SLC35F6: variants seen among roughly 807,000 people sequenced by gnomAD.
The protein encoded by SLC35F6 is solute carrier family 35 member F6.
A neutral mutation model predicts 29.4 loss-of-function variants in SLC35F6; 26 were observed. That is an observed-to-expected ratio of 0.89 (90% confidence interval 0.65 to 1.23). The LOEUF is 1.23. Ranked by LOEUF, SLC35F6 falls within the 50% of genes most tolerant of loss-of-function variation. SLC35F6 has a pLI of 0.00. For missense variants in SLC35F6, 428 were observed against 487.8 expected, an observed-to-expected ratio of 0.88 and a Z score of 1.15; for synonymous variants, 174 against 206.6, an observed-to-expected ratio of 0.84 and a Z score of 1.35.
In SLC35F6 at chr2:26,778,127, G is replaced by A. The variant is rs1294965617; in HGVS notation, c.732G>A (p.Gly244=). The A allele has an allele frequency of 1.2e-6, 2 of 1,614,196 alleles. No homozygotes were observed. Among genetic ancestry groups the A allele is most frequent in the Admixed American group, 1.7e-5 (1 of 60,012 alleles). Residue 244 remains glycine (G), a synonymous_variant, in exon 6 of 6, where the codon GGG becomes GGA. Transcript: ENST00000344420. ...PAGSFSGNPR[G]TLEDALDAFC... ...GCTCCTTCAGCGGAAACCCTCGTGG[G>A]ACACTGGAGGATGCATTGGACGCCT...
rs576343315 is a variant in SLC35F6, at chr2:26,777,563, A to C, written c.647-479A>C. 3.9e-5 allele frequency among the ~76,000 whole-genome samples: 6 copies of C among 152,344 alleles called. No homozygotes were observed. In the East Asian group the frequency reaches 1.2e-3, roughly 29 times the overall value. Reference sequence around the variant, plus strand: ...AAGACCTTAATGAGTGAAGCAGTGCATGGACTTACCTTCTGGCGCAAGCTC... The same window carrying C: ...AAGACCTTAATGAGTGAAGCAGTGCCTGGACTTACCTTCTGGCGCAAGCTC... On this transcript the variant is annotated intron_variant, in intron 5 of 5. Transcript: ENST00000344420.
intron 1 of SLC35F6, among the ~76,000 whole-genome samples, chr2:26,773,490 G>A (rs1347486405): frequency 3.3e-5 from 4 of 121,206 alleles, no homozygotes; most frequent in African/African-American, 1.4e-4. Context: ...GCGACAGAGC[G>A]AGACTCCATT....
In SLC35F6 at chr2:26,778,251, G is replaced by A; in HGVS notation, c.856G>A (p.Glu286Lys). Residue 286 changes from glutamate (E) to lysine (K), a missense_variant, in exon 6 of 6, where the codon GAA (glutamate) becomes AAA (lysine). Physicochemically the swap from Glu to Lys is moderately conservative, Grantham distance 56. Transcript: ENST00000344420. Reference protein sequence around the residue: ...FNFAGISVTKELSATTRMVLD... With the variant: ...FNFAGISVTKKLSATTRMVLD... ...CTTCGCAGGCATCAGCGTCACCAAG[G>A]AACTGAGCGCCACCACCCGCATGGT... The A allele has an allele frequency of 1.2e-6, 2 of 1,614,148 alleles. No individual in the cohort carries two copies. The highest frequency in any genetic ancestry group is 1.7e-6 in the Non-Finnish European group (2 of 1,180,026).
At chr2:26,766,007 T>A (rs13424935) in intron 1 of SLC35F6, among the ~76,000 whole-genome samples, 7,468 of 152,256 alleles carry the variant, frequency 0.049, 644 homozygotes, top group African/African-American at 0.17. Context: ...CCTCCTTCCT[T>A]AGAAAACTCC....
chr2:26,769,505 G>A (rs1664156732), intron 1 of SLC35F6, among the ~76,000 whole-genome samples: 2 of 152,236 alleles, frequency 1.3e-5, no homozygotes, highest in Non-Finnish European at 2.9e-5. Context: ...GCGCATGACT[G>A]CCTGCTGAGC....
intron 1 of SLC35F6, 83 bp downstream of exon 1, chr2:26,764,509 C>T (rs930872457): frequency 1.3e-6 from 2 of 1,483,288 alleles, no homozygotes; most frequent in African/African-American, 1.4e-5. Flanking sequence ...GCCCTGCCCT[C>T]CTGGCTTCCC....
intron 2 of SLC35F6, 26 bp downstream of exon 2, chr2:26,774,349 C>T: frequency 6.2e-7 from 1 of 1,613,104 alleles, no homozygotes; most frequent in African/African-American, 1.3e-5. Flanking sequence ...CCTCCTACCT[C>T]CTGTCTCCCG....
intron 1 of SLC35F6, among the ~76,000 whole-genome samples, chr2:26,765,369 A>AC (rs1258896600): frequency 5.3e-5 from 2 of 37,520 alleles, no homozygotes; most frequent in Non-Finnish European, 1.1e-4. Flanking sequence ...GGGACTAAGG[A>AC]CCCAGGCAGT....
chr2:26,766,029 G>T (rs956242369), intron 1 of SLC35F6, among the ~76,000 whole-genome samples: 1 of 152,192 alleles, frequency 6.6e-6, no homozygotes, highest in African/African-American at 2.4e-5. Context: ...AACCAGTCAG[G>T]TAGGAAGCTT....
At chr2:26,776,293 T>G (rs1664298925) in intron 4 of SLC35F6, 79 bp from the exon 5 acceptor site, 1 of 1,320,750 alleles carries the variant, frequency 7.6e-7, no homozygotes, top group Admixed American at 1.8e-5. Context: ...GCTGGCATGT[T>G]TGGTCGCTGT....
At chr2:26,767,864 T>C (rs1034863876) in intron 1 of SLC35F6, among the ~76,000 whole-genome samples, 1 of 152,054 alleles carries the variant, frequency 6.6e-6, no homozygotes, top group African/African-American at 2.4e-5. Context: ...TAATAAATAA[T>C]TAATTAATAG....
chr2:26,771,059 C>T (rs1006360876), intron 1 of SLC35F6, among the ~76,000 whole-genome samples: 4 of 152,236 alleles, frequency 2.6e-5, no homozygotes, highest in African/African-American at 4.8e-5. Flanking sequence ...TTTCCCCAGC[C>T]GGGAGCGCTG....
At chr2:26,766,817 G>A (rs768458353) in intron 1 of SLC35F6, among the ~76,000 whole-genome samples, 1 of 152,128 alleles carries the variant, frequency 6.6e-6, no homozygotes, top group African/African-American at 2.4e-5. Flanking sequence ...AGGAAACTGA[G>A]GTAGGAAATG....
Position 26,775,375 on chromosome 2 carries a change from G to A in SLC35F6, c.323-89G>A. 6.5e-7 allele frequency: 1 copy of A among 1,538,110 alleles called. No individual in the cohort carries two copies. The highest frequency in any genetic ancestry group is 1.2e-5 in the South Asian group (1 of 80,270). On this transcript the variant is annotated intron_variant, in intron 3 of 5. Transcript: ENST00000344420. This position sits in a 1 kb window ranked among gnomAD's most constrained non-coding sequence, Gnocchi z 4.6. ...GCAGGACTGATCGAGCGCTTACTAT[G>A]AGCTTGGCATGTCTATCACCAAAGA...
At position 26,775,156 on chromosome 2, in the gene SLC35F6, C is replaced by G. The variant is rs745341313; in HGVS notation, c.263C>G (p.Pro88Arg). The change falls in exon 3 of 6, where the codon CCT becomes CGT. Residue 88 changes from proline (P) to arginine (R), a missense_variant. Physicochemically the swap from Pro to Arg is moderately radical, Grantham distance 103 (BLOSUM62 -2). Coordinates refer to ENST00000344420, the MANE Select transcript of SLC35F6 (RefSeq NM_017877.4). This position sits in a 1 kb window ranked among gnomAD's most constrained non-coding sequence, Gnocchi z 4.6. Reference protein sequence around the residue: ...SSVDPQQPFNPLLFLPPALCD... With the variant: ...SSVDPQQPFNRLLFLPPALCD... ...GTAGACCCCCAGCAGCCCTTCAACC[C>G]TCTTCTTTTCCTGCCCCCAGCGCTC... The G allele has an allele frequency of 6.2e-7, 1 of 1,614,118 alleles. No homozygotes were observed.
At chr2:26,769,063 G>C (rs1664144114) in intron 1 of SLC35F6, among the ~76,000 whole-genome samples, 1 of 152,208 alleles carries the variant, frequency 6.6e-6, no homozygotes, top group Admixed American at 6.5e-5. Flanking sequence ...TAGGTCCCAG[G>C]CAGGAGAAAG....
At chr2:26,776,515 G>C in intron 5 of SLC35F6, 33 bp downstream of exon 5, 1 of 1,596,538 alleles carries the variant, frequency 6.3e-7, no homozygotes, top group African/African-American at 1.3e-5. Context: ...GGAAGGAGTG[G>C]GGTAGAAGGG....
chr2:26,768,428 T>G (rs1172176524), intron 1 of SLC35F6, among the ~76,000 whole-genome samples: 1 of 151,552 alleles, frequency 6.6e-6, no homozygotes, highest in African/African-American at 2.4e-5. Context: ...AGTGGTGTGA[T>G]CTCAGCTCAC....
chr2:26,774,639 G>A (rs1458188420), intron 2 of SLC35F6, among the ~76,000 whole-genome samples: 2 of 152,238 alleles, frequency 1.3e-5, no homozygotes, highest in Non-Finnish European at 1.5e-5. Context: ...AATTGGGACA[G>A]GGCAGACACC....
Sources: gnomAD v4.1 joint callset for allele counts (sites outside exome capture counted in the v4.1 genomes callset) on GRCh38, gnomAD v4.1.1 for gene constraint, Gnocchi (gnomAD v3.1) non-coding constraint, MANE v1.5 for transcripts, NCBI Gene and HGNC (gene_info 2026-07-23, HGNC 2026-07-21) for gene names.